The following SCAPER variants were observed in gnomAD, a reference collection of about 807,000 sequenced individuals.
The protein encoded by SCAPER is S-phase cyclin A associated protein in the ER.
In SCAPER, 98 loss-of-function variants were observed where a neutral mutation model predicts 182.2. That is an observed-to-expected ratio of 0.54 (90% CI 0.46 to 0.64). The LOEUF is 0.64. Ranked by LOEUF, SCAPER falls within the 30% of genes least tolerant of loss-of-function variation. The pLI is 0.00. For synonymous variants in SCAPER, 605 were observed against 564.6 expected (o/e 1.07, Z -1.01); for missense variants, 1,432 against 1,690.0 (o/e 0.85, Z 2.68).
At chr15:76,794,130 CA>C (rs1213980587) in intron 8 of SCAPER, among the ~76,000 whole-genome samples, 1 of 152,122 alleles carries the variant, frequency 6.6e-6, no homozygotes, top group Non-Finnish European at 1.5e-5. Context: ...ACTGAAACCC[CA>C]AAACTGAAGA....
chr15:76,503,657 T>A (rs1026803637), intron 24 of SCAPER, among the ~76,000 whole-genome samples: 1 of 152,188 alleles, frequency 6.6e-6, no homozygotes, highest in Non-Finnish European at 1.5e-5. Context: ...ACGAGGTGAA[T>A]ATGATTACAT....
chr15:76,568,561 T>G (rs2145272687), intron 23 of SCAPER, among the ~76,000 whole-genome samples: 1 of 152,298 alleles, frequency 6.6e-6, no homozygotes, highest in East Asian at 1.9e-4. Flanking sequence ...TTCGCCATGT[T>G]GGCCAGGCTG....
intron 22 of SCAPER, among the ~76,000 whole-genome samples, chr15:76,575,100 C>A (rs1434730372): frequency 6.6e-6 from 1 of 152,158 alleles, no homozygotes; most frequent in Admixed American, 6.6e-5. Flanking sequence ...CTTAGACAAA[C>A]CCCAGCCGTG....
At chr15:76,476,595 ATTTT>A (rs5813839) in intron 24 of SCAPER, among the ~76,000 whole-genome samples, 107 of 73,520 alleles carry the variant, frequency 1.5e-3, no homozygotes, top group East Asian at 0.014. Context: ...CACCCAGCTA[ATTTT>A]TTTTTTTTTT....
At chr15:76,512,279 GC>G (rs1226020725) in intron 23 of SCAPER, among the ~76,000 whole-genome samples, 5 of 151,888 alleles carry the variant, frequency 3.3e-5, no homozygotes, top group African/African-American at 1.2e-4. Flanking sequence ...TACTATGTTT[GC>G]CTCACAGAAT....
At chr15:76,524,386 GCAGA>G (rs1156234870) in intron 23 of SCAPER, among the ~76,000 whole-genome samples, 9 of 152,080 alleles carry the variant, frequency 5.9e-5, no homozygotes, top group African/African-American at 1.9e-4. Context: ...GAAGAAAAGT[GCAGA>G]CAAAGTGTTT....
chr15:76,525,048 G>A (rs1342023663), intron 23 of SCAPER, among the ~76,000 whole-genome samples: 2 of 152,086 alleles, frequency 1.3e-5, no homozygotes, highest in African/African-American at 4.8e-5. Context: ...ATTAGTCACT[G>A]TTAGAATTTT....
At chr15:76,657,536 T>G (rs184937895) in intron 21 of SCAPER, among the ~76,000 whole-genome samples, 2 of 150,454 alleles carry the variant, frequency 1.3e-5, no homozygotes, top group East Asian at 3.9e-4. Flanking sequence ...CTTTAACTCA[T>G]TCTATGAGCC....
chr15:76,688,590 T>C (rs1003509067), intron 20 of SCAPER, among the ~76,000 whole-genome samples: 3 of 152,218 alleles, frequency 2.0e-5, no homozygotes, highest in Non-Finnish European at 4.4e-5. Context: ...CTTTAATTCA[T>C]CTTGAGTTAA....
chr15:76,498,647 G>A (rs946645973), intron 24 of SCAPER: 7 of 152,300 alleles, frequency 4.6e-5, no homozygotes, highest in Admixed American at 1.3e-4. Flanking sequence ...TGATTGTGAG[G>A]AATAAACAAC....
intron 18 of SCAPER, among the ~76,000 whole-genome samples, chr15:76,704,923 C>G (rs538291397): frequency 1.3e-5 from 2 of 150,940 alleles, no homozygotes; most frequent in Non-Finnish European, 3.0e-5. Flanking sequence ...TGTGGAGAAA[C>G]AGGAACACTT....
At chr15:76,787,702 T>C (rs1337321179) in intron 8 of SCAPER, among the ~76,000 whole-genome samples, 1 of 152,134 alleles carries the variant, frequency 6.6e-6, no homozygotes, top group Non-Finnish European at 1.5e-5. Context: ...GCACACTTTA[T>C]ACAAAAATTA....
chr15:76,862,963 A>T (rs879888242), intron 2 of SCAPER, among the ~76,000 whole-genome samples: 3 of 152,220 alleles, frequency 2.0e-5, no homozygotes, highest in Non-Finnish European at 4.4e-5. Flanking sequence ...CGCTAAAGTA[A>T]GTCAACATTC....
At chr15:76,451,338 T>C (rs935035421) in intron 25 of SCAPER, among the ~76,000 whole-genome samples, 1 of 152,196 alleles carries the variant, frequency 6.6e-6, no homozygotes, top group Admixed American at 6.5e-5. Flanking sequence ...TACAAGTCTT[T>C]TTGTAGAGAA....
chr15:76,789,616 C>G (rs1322899763), intron 8 of SCAPER, among the ~76,000 whole-genome samples: 4 of 152,084 alleles, frequency 2.6e-5, no homozygotes, highest in African/African-American at 4.8e-5. Context: ...TTTTAATAAA[C>G]CTTCAGTGCA....
At chr15:76,852,630 T>G (rs886770819) in intron 4 of SCAPER, among the ~76,000 whole-genome samples, 2 of 152,206 alleles carry the variant, frequency 1.3e-5, no homozygotes, top group Non-Finnish European at 2.9e-5. Context: ...CAAGGAGTTC[T>G]TTGAAACTAA....
intron 8 of SCAPER, among the ~76,000 whole-genome samples, chr15:76,778,101 T>C (rs2063853673): frequency 6.6e-6 from 1 of 152,214 alleles, no homozygotes; most frequent in African/African-American, 2.4e-5. Context: ...TGCATATTGC[T>C]ATCACAGCAT....
chr15:76,760,816 T>A (rs2062730384), intron 14 of SCAPER, among the ~76,000 whole-genome samples: 1 of 152,206 alleles, frequency 6.6e-6, no homozygotes, highest in African/African-American at 2.4e-5. Context: ...TGCTTCTATC[T>A]ACCAGAGTTT....
chr15:76,821,039 G>A (rs2067500056), intron 5 of SCAPER, among the ~76,000 whole-genome samples: 1 of 152,216 alleles, frequency 6.6e-6, no homozygotes, highest in African/African-American at 2.4e-5. Flanking sequence ...AATGCATAAT[G>A]GTACAGCTAC....
Sources: gnomAD v4.1 joint callset for allele counts (sites outside exome capture counted in the v4.1 genomes callset) on GRCh38, gnomAD v4.1.1 for gene constraint, MANE v1.5 for transcripts, NCBI Gene and HGNC (gene_info 2026-07-23, HGNC 2026-07-21) for gene names.